SH3RF3: variants seen among roughly 807,000 people sequenced by gnomAD.
SH3RF3 encodes E3 ubiquitin-protein ligase SH3RF3.
In SH3RF3, 29 loss-of-function variants were observed where a neutral mutation model predicts 66.3. The ratio of observed to expected loss-of-function variants is 0.44; its 90% CI spans 0.33 to 0.60. The LOEUF (loss-of-function observed/expected upper bound fraction) is 0.60. Ranked by LOEUF, SH3RF3 falls within the 20% of genes least tolerant of loss-of-function variation. The pLI, the probability that SH3RF3 is intolerant of heterozygous loss-of-function variation, is 0.04. For missense variants in SH3RF3, 1,194 were observed against 1,190.9 expected (o/e 1.00, Z -0.04); for synonymous variants, 583 against 532.0 (o/e 1.10, Z -1.32).
intron 3 of SH3RF3, among the ~76,000 whole-genome samples, chr2:109,394,818 G>A (rs1229996152): frequency 6.6e-6 from 1 of 152,222 alleles, no homozygotes; most frequent in East Asian, 1.9e-4. Context: ...GAGCCACCTG[G>A]CTTCCCTGCA....
intron 1 of SH3RF3, among the ~76,000 whole-genome samples, chr2:109,227,790 C>G (rs1367108239): frequency 6.6e-6 from 1 of 152,246 alleles, no homozygotes. Flanking sequence ...CCCCAGCCAA[C>G]TGGAGTCAAC....
chr2:109,360,344 A>G (rs968882779), intron 2 of SH3RF3, among the ~76,000 whole-genome samples: 10 of 152,352 alleles, frequency 6.6e-5, no homozygotes, highest in African/African-American at 2.4e-4. Flanking sequence ...AGTGAGGCTG[A>G]TGCCAAACAA....
intron 1 of SH3RF3, among the ~76,000 whole-genome samples, chr2:109,315,719 G>A (rs1321360665): frequency 6.6e-6 from 1 of 152,212 alleles, no homozygotes; most frequent in Non-Finnish European, 1.5e-5. Context: ...GGGTTCCTCT[G>A]GGGCTCTTTC....
intron 2 of SH3RF3, among the ~76,000 whole-genome samples, chr2:109,354,151 C>G (rs963924473): frequency 2.0e-5 from 3 of 151,972 alleles, no homozygotes; most frequent in Non-Finnish European, 4.4e-5. Context: ...AGTTTCTGAA[C>G]TATTCCCTTT....
intron 2 of SH3RF3, among the ~76,000 whole-genome samples, chr2:109,365,725 A>G (rs371854358): frequency 1.3e-5 from 2 of 152,150 alleles, no homozygotes; most frequent in East Asian, 1.9e-4. Context: ...AGGAACATTT[A>G]TGTTATTTAG....
At chr2:109,422,977 C>T (rs11898585) in intron 5 of SH3RF3, among the ~76,000 whole-genome samples, 74,980 of 151,868 alleles carry the variant, frequency 0.49, 18,634 homozygotes, top group African/African-American at 0.52. Context: ...ACTCGGTCCA[C>T]GTACCTGCAA....
At chr2:109,347,552 ACTCTGTATGCAC>A in intron 1 of SH3RF3, 110 bp from the exon 2 acceptor site, 1 of 1,319,074 alleles carries the variant, frequency 7.6e-7, no homozygotes, top group Non-Finnish European at 1.0e-6. Flanking sequence ...CTTGCGGGGC[ACTCTGTATGCAC>A]CCCCAGGACA....
At position 109,299,113 on chromosome 2, in the gene SH3RF3, G is replaced by C. The variant is rs531976611; in HGVS notation, c.574-48561G>C. Reference sequence around the variant, plus strand: ...GGCAGGCTCCCCCAGGGCATTTGCAGATGAGGCCCCCTCAGCTCCTCTCCC... The same window carrying C: ...GGCAGGCTCCCCCAGGGCATTTGCACATGAGGCCCCCTCAGCTCCTCTCCC... On this transcript the variant is annotated intron_variant, in intron 1 of 9. Coordinates refer to ENST00000309415, the MANE Select transcript of SH3RF3 (RefSeq NM_001099289.3). Among the ~76,000 whole-genome samples, 5 of 152,298 alleles carry C rather than the reference G, an allele frequency of 3.3e-5. No individual in the cohort carries two copies. The South Asian group carries it at 1.0e-3, about 32-fold the overall frequency.
At chr2:109,486,805 G>A (rs1678992274) in intron 8 of SH3RF3, among the ~76,000 whole-genome samples, 1 of 152,196 alleles carries the variant, frequency 6.6e-6, no homozygotes, top group African/African-American at 2.4e-5. Context: ...ATCCCAGCAG[G>A]GCGACAGCAG....
At chr2:109,305,006 T>G (rs957791700) in intron 1 of SH3RF3, among the ~76,000 whole-genome samples, 1 of 152,238 alleles carries the variant, frequency 6.6e-6, no homozygotes, top group Admixed American at 6.5e-5. Flanking sequence ...CTCATTTGTC[T>G]GGATATCTGG....
intron 8 of SH3RF3, among the ~76,000 whole-genome samples, chr2:109,462,964 C>T (rs910924335): frequency 7.2e-5 from 11 of 152,204 alleles, no homozygotes; most frequent in Non-Finnish European, 1.3e-4. Flanking sequence ...TCCCCTAATG[C>T]GCAGTCACCC....
chr2:109,388,641 T>C (rs762545791), intron 3 of SH3RF3, among the ~76,000 whole-genome samples: 5 of 152,240 alleles, frequency 3.3e-5, no homozygotes, highest in African/African-American at 1.2e-4. Flanking sequence ...CAAACACCTA[T>C]GCATGGAATA....
intron 1 of SH3RF3, among the ~76,000 whole-genome samples, chr2:109,258,976 C>G (rs1197013399): frequency 6.6e-6 from 1 of 152,216 alleles, no homozygotes; most frequent in Non-Finnish European, 1.5e-5. Flanking sequence ...CATCCGCATG[C>G]CCTCTCTAGC....
chr2:109,266,224 ATG>A (rs1558990913), intron 1 of SH3RF3, among the ~76,000 whole-genome samples: 4 of 143,602 alleles, frequency 2.8e-5, no homozygotes, highest in East Asian at 4.1e-4. Flanking sequence ...TGTTGTGTGT[ATG>A]TGTATTCAGT....
At chr2:109,199,215 C>G (rs1678580234) in intron 1 of SH3RF3, among the ~76,000 whole-genome samples, 2 of 150,236 alleles carry the variant, frequency 1.3e-5, no homozygotes, top group Admixed American at 1.3e-4. Context: ...AAAAATTAGC[C>G]AGGCGTGGTG....
At position 109,278,010 on chromosome 2, in the gene SH3RF3, CAAAAAA is replaced by C. The variant is rs58675048; in HGVS notation, c.574-69649_574-69644del. On this transcript the variant is annotated intron_variant, in intron 1 of 9. Transcript: ENST00000309415. ...GGCAACAAGGAGACCCTGTCTCTAACAAAAAAAAAAAAAAAAAAAAGCCAGGCATAG... is the reference window on the plus strand; with the variant it reads ...GGCAACAAGGAGACCCTGTCTCTAACAAAAAAAAAAAAAAGCCAGGCATAG... 4.3e-3 allele frequency among the ~76,000 whole-genome samples: 351 copies of C among 81,332 alleles called. 1 individual carries two copies. Among genetic ancestry groups the C allele is most frequent in the African/African-American group, 0.017 (326 of 19,328 alleles). The allele number at this position is 81,332 out of a possible 152,430, so 53.4% of individuals were successfully genotyped here. A position where few individuals can be genotyped will look rare whatever the true frequency, so the allele number is the denominator to read the frequency against.
At position 109,146,719 on chromosome 2, in the gene SH3RF3, A is replaced by G. The variant is rs1007240044; in HGVS notation, c.573+16606A>G. 2.6e-5 allele frequency among the ~76,000 whole-genome samples: 4 copies of G among 152,046 alleles called. No individual in the cohort carries two copies. In the South Asian group the frequency reaches 8.3e-4, roughly 32 times the overall value. ...AAGGGCCTGGATTGGGGGGCCCCAT[A>G]GAGTCTACATCTGAGTATCTTTTTT... On this transcript the variant is annotated intron_variant, in intron 1 of 9. Coordinates refer to ENST00000309415, the MANE Select transcript of SH3RF3 (RefSeq NM_001099289.3).
chr2:109,444,351 G>T (rs1460055839), intron 7 of SH3RF3, among the ~76,000 whole-genome samples: 1 of 152,164 alleles, frequency 6.6e-6, no homozygotes, highest in East Asian at 1.9e-4. Flanking sequence ...ATATAAAATG[G>T]AACACACAAT....
At chr2:109,437,168 C>G in intron 7 of SH3RF3, 22 bp downstream of exon 7, 1 of 1,589,630 alleles carries the variant, frequency 6.3e-7, no homozygotes. Context: ...GGGGCCTCAC[C>G]CTGCAGGGCA....
Sources: allele counts gnomAD v4.1 joint callset (sites outside exome capture counted in the v4.1 genomes callset), GRCh38; gene constraint gnomAD v4.1.1; transcripts MANE v1.5; gene names NCBI Gene and HGNC (gene_info 2026-07-23, HGNC 2026-07-21).